The following C10orf67 variants were observed in gnomAD, a reference collection of about 807,000 sequenced individuals.
C10orf67 encodes uncharacterized protein C10orf67, mitochondrial.
In C10orf67, 60 loss-of-function variants were observed where a neutral mutation model predicts 35.6. The observed-to-expected ratio is 1.68, with a 90% CI of 1.37 to 2.09. C10orf67 has a LOEUF of 2.09. Among genes scored for constraint, C10orf67 ranks in the 30% most tolerant of loss-of-function variants. C10orf67 has a pLI of 0.00. For synonymous variants in C10orf67, 167 were observed against 115.8 expected (o/e 1.44, Z -2.84); for missense variants, 474 against 330.2 (o/e 1.44, Z -3.38).
At position 23,226,015 on chromosome 10, in the gene C10orf67, C is replaced by T. The variant is rs1459695221; in HGVS notation, c.1435-2197G>A. On this transcript the variant is annotated intron_variant, in intron 13 of 15. Transcript: ENST00000636213. ...GGAGACTTTAACACCCCACTGTCAACATTAGACAGATCAACGAGACAGAAA... is the reference window on the plus strand; with the variant it reads ...GGAGACTTTAACACCCCACTGTCAATATTAGACAGATCAACGAGACAGAAA... Among the ~76,000 whole-genome samples, 3 of 152,234 alleles carry T rather than the reference C, an allele frequency of 2.0e-5. No homozygotes were observed. In the East Asian group the frequency reaches 5.8e-4, roughly 29 times the overall value.
At chr10:23,276,019 T>G (rs553631540) in intron 8 of C10orf67, among the ~76,000 whole-genome samples, 2 of 152,188 alleles carry the variant, frequency 1.3e-5, no homozygotes, top group African/African-American at 4.8e-5. Context: ...CCTGGAGTAA[T>G]AGAAGAAGCT....
intron 5 of C10orf67, among the ~76,000 whole-genome samples, chr10:23,291,959 G>A (rs958527860): frequency 1.3e-5 from 2 of 152,050 alleles, no homozygotes; most frequent in Non-Finnish European, 2.9e-5. Flanking sequence ...GAAGACTTTG[G>A]TTTAAATCTC....
intron 9 of C10orf67, 78 bp downstream of exon 9, chr10:23,267,117 A>G (rs1001162785): frequency 6.0e-6 from 4 of 670,524 alleles, no homozygotes. Context: ...TGCTACACAG[A>G]TTTGTCAATT....
intron 10 of C10orf67, among the ~76,000 whole-genome samples, chr10:23,251,581 C>G (rs751707774): frequency 3.9e-5 from 6 of 152,164 alleles, no homozygotes; most frequent in Non-Finnish European, 5.9e-5. Context: ...AGATGTGCTA[C>G]AGAATAATAC....
intron 12 of C10orf67, among the ~76,000 whole-genome samples, chr10:23,246,859 C>CA (rs1842330071): frequency 3.3e-5 from 5 of 152,184 alleles, no homozygotes; most frequent in Admixed American, 3.3e-4. Flanking sequence ...GGGTCTCACT[C>CA]TGTCACCCAG....
At chr10:23,337,187 G>GA (rs1288918669) in intron 1 of C10orf67, among the ~76,000 whole-genome samples, 3 of 152,120 alleles carry the variant, frequency 2.0e-5, no homozygotes, top group South Asian at 2.1e-4. Flanking sequence ...AATAAATATA[G>GA]AAAAAAAGCA....
At position 23,202,827 on chromosome 10, in the gene C10orf67, A is replaced by G. The variant is rs1841059547; in HGVS notation, c.*1346T>C. The G allele has an allele frequency of 2.6e-5, 4 of 152,370 alleles. No homozygotes were observed. The South Asian group carries it at 6.2e-4, about 24-fold the overall frequency. The allele number at this position is 152,370 out of a possible 1,614,324, so 9.4% of individuals were successfully genotyped here. ...CACACCCAACCAGGAGGCTGCTTCC[A>G]AGGAATTTCTGTCCAGGACGATGGC... On this transcript the variant is annotated 3_prime_UTR_variant, in exon 16 of 16. Coordinates refer to ENST00000636213, the MANE Select transcript of C10orf67 (RefSeq NM_001371909.1).
At chr10:23,217,496 A>C (rs11013327) in intron 15 of C10orf67, among the ~76,000 whole-genome samples, 2,334 of 152,238 alleles carry the variant, frequency 0.015, 67 homozygotes, top group African/African-American at 0.053. Flanking sequence ...CTAATTAAAC[A>C]CTTTCTCAGT....
intron 1 of C10orf67, among the ~76,000 whole-genome samples, chr10:23,339,854 T>C (rs1249569741): frequency 6.6e-6 from 1 of 152,234 alleles, no homozygotes; most frequent in East Asian, 1.9e-4. Flanking sequence ...GTCTGGACCC[T>C]GAGTGCTACA....
intron 10 of C10orf67, among the ~76,000 whole-genome samples, chr10:23,259,960 G>A (rs1281159922): frequency 1.3e-5 from 2 of 152,084 alleles, no homozygotes; most frequent in African/African-American, 4.8e-5. Flanking sequence ...AGACATATTC[G>A]AAGGTAAAGA....
chr10:23,333,055 G>A lies in C10orf67; in HGVS notation c.327+7C>T. On this transcript the variant is annotated splice_region_variant and intron_variant, in intron 2 of 15. Transcript: ENST00000636213. ...TCTCAGAAGTTTCAGAACAAATTCA[G>A]ATTTACCTGTGCTAACTTTTGCGTA... The A allele has an allele frequency of 5.6e-6, 9 of 1,608,436 alleles. No individual in the cohort carries two copies. The highest frequency in any genetic ancestry group is 1.3e-5 in the African/African-American group (1 of 74,932).
intron 15 of C10orf67, among the ~76,000 whole-genome samples, chr10:23,212,791 G>T (rs969861782): frequency 2.0e-5 from 3 of 148,224 alleles, no homozygotes; most frequent in African/African-American, 7.7e-5. Context: ...GAGAGAGAGA[G>T]AGAGAGAGAG....
At chr10:23,214,422 G>A (rs1205713076) in intron 15 of C10orf67, among the ~76,000 whole-genome samples, 3 of 152,032 alleles carry the variant, frequency 2.0e-5, no homozygotes, top group Admixed American at 6.6e-5. Flanking sequence ...CAATCATGAT[G>A]GAATAAAATA....
intron 12 of C10orf67, among the ~76,000 whole-genome samples, chr10:23,242,315 C>T (rs4748848): frequency 0.4 from 60,110 of 151,944 alleles, 15,131 homozygotes; most frequent in East Asian, 0.74. Flanking sequence ...AAGATAGAAC[C>T]CTATACTTGG....
intron 15 of C10orf67, among the ~76,000 whole-genome samples, chr10:23,215,160 T>C (rs1841397355): frequency 6.6e-6 from 1 of 152,182 alleles, no homozygotes; most frequent in Admixed American, 6.5e-5. Flanking sequence ...AAAATGTTGC[T>C]GCAATTGACT....
At chr10:23,278,978 G>T (rs1029936337) in intron 8 of C10orf67, among the ~76,000 whole-genome samples, 1 of 152,156 alleles carries the variant, frequency 6.6e-6, no homozygotes, top group African/African-American at 2.4e-5. Context: ...TGGGTCGGTC[G>T]CAGCGGCTCA....
intron 8 of C10orf67, among the ~76,000 whole-genome samples, chr10:23,268,652 C>G (rs963625463): frequency 2.6e-5 from 4 of 152,182 alleles, no homozygotes; most frequent in Non-Finnish European, 5.9e-5. Flanking sequence ...TGGGTTTGAA[C>G]TCAAGCCTAA....
At chr10:23,256,033 G>A (rs1371383281) in intron 10 of C10orf67, among the ~76,000 whole-genome samples, 1 of 152,058 alleles carries the variant, frequency 6.6e-6, no homozygotes, top group African/African-American at 2.4e-5. Context: ...AAGACAGTTT[G>A]CTCCATGGCT....
At chr10:23,266,904 C>T (rs1237907556) in intron 9 of C10orf67, among the ~76,000 whole-genome samples, 1 of 152,102 alleles carries the variant, frequency 6.6e-6, no homozygotes, top group African/African-American at 2.4e-5. Flanking sequence ...TCTTGCCCCA[C>T]TTTATTTATT....
Sources: gnomAD v4.1 joint callset for allele counts (sites outside exome capture counted in the v4.1 genomes callset) on GRCh38, gnomAD v4.1.1 for gene constraint, MANE v1.5 for transcripts, NCBI Gene and HGNC (gene_info 2026-07-23, HGNC 2026-07-21) for gene names.